The following SPTLC3 variants were observed in gnomAD, a reference collection of about 807,000 sequenced individuals.
The protein encoded by SPTLC3 is serine palmitoyltransferase long chain base subunit 3.
In SPTLC3, 36 loss-of-function variants were observed where a neutral mutation model predicts 59.3. The observed-to-expected ratio is 0.61, with a 90% CI of 0.47 to 0.80. SPTLC3 has a LOEUF of 0.80. SPTLC3 is among the 30% of genes least tolerant of loss of function. The pLI is 0.00. For synonymous variants in SPTLC3, 257 were observed against 240.8 expected, an observed-to-expected ratio of 1.07 and a Z score of -0.62; for missense variants, 625 against 685.1, an observed-to-expected ratio of 0.91 and a Z score of 0.98.
chr20:13,140,478 A>G (rs1244648312), intron 9 of SPTLC3, among the ~76,000 whole-genome samples: 1 of 152,206 alleles, frequency 6.6e-6, no homozygotes, highest in Non-Finnish European at 1.5e-5. Flanking sequence ...GTAGAGAAAT[A>G]AAACTAGAGA....
chr20:13,073,999 G>A (rs936624161), intron 3 of SPTLC3: 10 of 614,170 alleles, frequency 1.6e-5, no homozygotes, highest in Non-Finnish European at 1.9e-5. Flanking sequence ...AATGAATATC[G>A]GAGATAGTCC....
At chr20:13,087,010 G>A (rs966115203) in intron 4 of SPTLC3, among the ~76,000 whole-genome samples, 17 of 152,046 alleles carry the variant, frequency 1.1e-4, no homozygotes, top group Non-Finnish European at 2.2e-4. Context: ...TGGCCAGGCT[G>A]GTCTCAGACT....
At chr20:13,150,902 A>C (rs978959934) in intron 9 of SPTLC3, among the ~76,000 whole-genome samples, 7 of 151,968 alleles carry the variant, frequency 4.6e-5, no homozygotes, top group African/African-American at 7.3e-5. Flanking sequence ...TTCATTCATC[A>C]TTTATTGATT....
intron 9 of SPTLC3, among the ~76,000 whole-genome samples, chr20:13,144,709 A>G (rs2038465163): frequency 1.3e-5 from 2 of 152,138 alleles, no homozygotes; most frequent in South Asian, 4.1e-4. Flanking sequence ...GAAAGGTCCA[A>G]CCTAGTCCTT....
intron 2 of SPTLC3, among the ~76,000 whole-genome samples, chr20:13,061,115 T>C (rs1987955768): frequency 6.6e-6 from 1 of 152,128 alleles, no homozygotes; most frequent in Non-Finnish European, 1.5e-5. Flanking sequence ...CTTGCCAACA[T>C]CTGTTATTGT....
intron 1 of SPTLC3, among the ~76,000 whole-genome samples, chr20:13,009,642 C>G (rs1985128059): frequency 6.6e-6 from 1 of 152,208 alleles, no homozygotes; most frequent in African/African-American, 2.4e-5. Flanking sequence ...ACAAATGTAC[C>G]TACTAGACTT....
intron 7 of SPTLC3, among the ~76,000 whole-genome samples, chr20:13,111,948 G>A (rs1233289562): frequency 2.0e-5 from 3 of 152,104 alleles, no homozygotes; most frequent in South Asian, 2.1e-4. Flanking sequence ...CATGCCAGGC[G>A]CCTGCATCCC....
intron 4 of SPTLC3, among the ~76,000 whole-genome samples, chr20:13,086,374 T>TA (rs1205666436): frequency 6.6e-6 from 1 of 152,176 alleles, no homozygotes; most frequent in Non-Finnish European, 1.5e-5. Context: ...ATTATTCCTT[T>TA]AAAAATCCAC....
At chr20:13,023,075 G>A (rs1332290919) in intron 1 of SPTLC3, among the ~76,000 whole-genome samples, 6 of 151,506 alleles carry the variant, frequency 4.0e-5, no homozygotes, top group Admixed American at 2.6e-4. Context: ...CTCATCCCCC[G>A]TCCTGGAACA....
intron 9 of SPTLC3, 127 bp from the exon 10 acceptor site, chr20:13,153,876 C>T (rs1462299411): frequency 2.4e-6 from 3 of 1,256,596 alleles, no homozygotes; most frequent in Non-Finnish European, 3.3e-6. Flanking sequence ...TCTCCCTTCC[C>T]TACTTCCTCC....
At chr20:13,083,236 T>G (rs1988899843) in intron 4 of SPTLC3, among the ~76,000 whole-genome samples, 1 of 152,146 alleles carries the variant, frequency 6.6e-6, no homozygotes, top group South Asian at 2.1e-4. Flanking sequence ...ATCTACCTAT[T>G]TTATGTTTCT....
rs33978691 is a variant in SPTLC3, at chr20:13,067,152, GT to G, written c.304-5100del. ...TGACTGTAGAAGTGGAACAGGATGA[GT>G]TTTCCAGGGCCAGTAGATTGTCTTC... On this transcript the variant is annotated intron_variant, in intron 2 of 11. Coordinates refer to ENST00000399002, the MANE Select transcript of SPTLC3 (RefSeq NM_018327.4). Among the ~76,000 whole-genome samples the G allele has an allele frequency of 1.8e-3, 74 of 40,168 alleles. 21 individuals carry two copies. Among genetic ancestry groups the G allele is most frequent in the Non-Finnish European group, 2.4e-3 (42 of 17,392 alleles). The allele number at this position is 40,168 out of a possible 152,430, so 26.4% of individuals were successfully genotyped here. A position where few individuals can be genotyped will look rare whatever the true frequency, so the allele number is the denominator to read the frequency against.
At chr20:13,031,967 T>G (rs1216513269) in intron 1 of SPTLC3, among the ~76,000 whole-genome samples, 1 of 152,198 alleles carries the variant, frequency 6.6e-6, no homozygotes, top group African/African-American at 2.4e-5. Context: ...TACGTGAAGA[T>G]GATTCTAATT....
At chr20:13,121,517 G>T (rs991763646) in intron 8 of SPTLC3, among the ~76,000 whole-genome samples, 1 of 152,200 alleles carries the variant, frequency 6.6e-6, no homozygotes, top group African/African-American at 2.4e-5. Context: ...AGGCCTGTGT[G>T]TAGAGAAAAC....
At position 13,117,569 on chromosome 20, in the gene SPTLC3, CCT is replaced by C. The variant is rs767524800; in HGVS notation, c.999_1000del (p.Tyr334HisfsTer3). 9.3e-6 allele frequency: 15 copies of C among 1,613,812 alleles called. No homozygotes were observed. The highest frequency in any genetic ancestry group is 5.1e-6 in the Non-Finnish European group (6 of 1,179,854). ...CTCTAAAGAAGAAATACAAGGCTTA[CCT>C]CTACATAGATGAAGCTCACAGTATT... is the stretch of plus-strand genomic sequence containing the variant. ...IALKKKYKAYLYIDEAHSIGA... is the reference protein window; with the variant it reads ...IALKKKYKAYXYIDEAHSIGA... On this transcript the variant is annotated frameshift_variant, in exon 8 of 12. Transcript: ENST00000399002. LOFTEE classifies it high-confidence loss of function.
chr20:13,132,977 C>G (rs1398354652), intron 9 of SPTLC3: 1 of 153,144 alleles, frequency 6.5e-6, no homozygotes, highest in Non-Finnish European at 1.5e-5. Flanking sequence ...ATCCTGCTCC[C>G]TCTAAAGCCA....
chr20:13,084,836 C>A (rs1343430196), intron 4 of SPTLC3, among the ~76,000 whole-genome samples: 1 of 152,158 alleles, frequency 6.6e-6, no homozygotes, highest in South Asian at 2.1e-4. Flanking sequence ...ACACTCATTA[C>A]ACATTATTTA....
intron 4 of SPTLC3, among the ~76,000 whole-genome samples, chr20:13,090,740 A>G (rs1989183129): frequency 6.6e-6 from 1 of 152,190 alleles, no homozygotes; most frequent in African/African-American, 2.4e-5. Context: ...CTGGTTGCAT[A>G]TTTTATGTAA....
chr20:13,096,326 G>A (rs1419918015), intron 6 of SPTLC3, among the ~76,000 whole-genome samples: 2 of 151,918 alleles, frequency 1.3e-5, no homozygotes, highest in Non-Finnish European at 2.9e-5. Context: ...TCTTGTACAA[G>A]AATGTTCGTA....
Sources: gnomAD v4.1 joint callset for allele counts (sites outside exome capture counted in the v4.1 genomes callset) on GRCh38, gnomAD v4.1.1 for gene constraint, MANE v1.5 for transcripts, NCBI Gene and HGNC (gene_info 2026-07-23, HGNC 2026-07-21) for gene names.